SYT17: variants seen among roughly 807,000 people sequenced by gnomAD.
The protein encoded by SYT17 is synaptotagmin-17.
A neutral mutation model predicts 46.7 loss-of-function variants in SYT17; 22 were observed. The observed-to-expected ratio is 0.47, with a 90% confidence interval of 0.34 to 0.67. The LOEUF is 0.67. Ranked by LOEUF, SYT17 falls within the 30% of genes least tolerant of loss-of-function variation. The pLI is 0.01. For missense variants in SYT17, 519 were observed against 612.8 expected (o/e 0.85, Z 1.62); for synonymous variants, 251 against 248.4 (o/e 1.01, Z -0.10).
chr16:19,168,483 CG>C lies in SYT17; in HGVS notation c.-162del, dbSNP rs1261603509. ...GGAAAGGCAAGGACGGGGCGGCCGG[CG>C]GAGGGGCGGGCGCCGCTCATCAGCC... On this transcript the variant is annotated 5_prime_UTR_variant, in exon 1 of 8. Coordinates refer to ENST00000355377, the MANE Select transcript of SYT17 (RefSeq NM_016524.4). This position sits in a 1 kb window ranked among gnomAD's most constrained non-coding sequence, Gnocchi z 6.9. 3 of 919,224 alleles carry C rather than the reference CG, an allele frequency of 3.3e-6. No individual in the cohort carries two copies. Among genetic ancestry groups the C allele is most frequent in the Non-Finnish European group, 4.9e-6 (3 of 612,944 alleles). 56.9% of individuals were successfully genotyped at this position (919,224 alleles called of 1,614,324 possible). A position where few individuals can be genotyped will look rare whatever the true frequency, so the allele number is the denominator to read the frequency against.
chr16:19,209,173 C>T (rs1330987261), intron 5 of SYT17, among the ~76,000 whole-genome samples: 2 of 151,986 alleles, frequency 1.3e-5, no homozygotes, highest in Non-Finnish European at 2.9e-5. Context: ...CCTGCCAGGA[C>T]ATTATTTCTA....
intron 7 of SYT17, among the ~76,000 whole-genome samples, chr16:19,234,441 T>C (rs1966813707): frequency 6.6e-6 from 1 of 152,228 alleles, no homozygotes; most frequent in Non-Finnish European, 1.5e-5. Context: ...GCTTCCAATC[T>C]CAATTTTTAT....
rs78963118 is a variant in SYT17 at position 19,256,224 on chromosome 16, A to G, written c.1229-10656A>G. Among the ~76,000 whole-genome samples, 520 of 152,116 alleles carry G rather than the reference A, an allele frequency of 3.4e-3. 3 individuals carry two copies. The highest frequency in any genetic ancestry group is 0.012 in the African/African-American group (496 of 41,476). On this transcript the variant is annotated intron_variant, in intron 7 of 7. Coordinates refer to ENST00000355377, the MANE Select transcript of SYT17 (RefSeq NM_016524.4). ...ATTTTTCATAGCAACAGTCTTTAAT[A>G]TAGGACATCTTCCCTCCTTATCTGC...
chr16:19,223,188 T>A, intron 6 of SYT17, 23 bp downstream of exon 6: 2 of 1,610,046 alleles, frequency 1.2e-6, no homozygotes, highest in Non-Finnish European at 1.7e-6. Flanking sequence ...TCCCCTCTTC[T>A]CTCACTTTAT....
intron 7 of SYT17, among the ~76,000 whole-genome samples, chr16:19,251,781 A>G (rs531794290): frequency 1.3e-5 from 2 of 152,128 alleles, no homozygotes; most frequent in African/African-American, 4.8e-5. Context: ...GCCTCCATCT[A>G]TTTCTCTGGA....
chr16:19,215,516 A>G lies in SYT17; in HGVS notation c.952-7529A>G, dbSNP rs73532760. Among the ~76,000 whole-genome samples, 564 of 152,254 alleles carry G rather than the reference A, an allele frequency of 3.7e-3. 6 individuals carry two copies. Among genetic ancestry groups the G allele is most frequent in the African/African-American group, 0.013 (520 of 41,536 alleles). ...AGCCTCAAACCTCTGGGCTCATGCA[A>G]TCCTCCCACATTTGCCTCTTACATA... On this transcript the variant is annotated intron_variant, in intron 5 of 7. Coordinates refer to ENST00000355377, the MANE Select transcript of SYT17 (RefSeq NM_016524.4).
chr16:19,211,887 A>T (rs1233779140), intron 5 of SYT17, among the ~76,000 whole-genome samples: 2 of 152,050 alleles, frequency 1.3e-5, no homozygotes, highest in East Asian at 3.9e-4. Context: ...CAGCCTCCCA[A>T]AATGCTGGGA....
intron 5 of SYT17, among the ~76,000 whole-genome samples, chr16:19,186,480 T>TTTTAGAGGC (rs1964795965): frequency 6.6e-6 from 1 of 152,142 alleles, no homozygotes; most frequent in Non-Finnish European, 1.5e-5. Flanking sequence ...TGAGGCCTTG[T>TTTTAGAGGC]CTCTAAAAAA....
At chr16:19,173,681 G>T (rs1484027501) in intron 3 of SYT17, 103 bp downstream of exon 3, 1 of 1,302,560 alleles carries the variant, frequency 7.7e-7, no homozygotes, top group African/African-American at 1.5e-5. Flanking sequence ...GAGGATTTGG[G>T]GGCATGAAAG....
rs1232187594 is a variant in SYT17, at chr16:19,252,549, A to T, written c.1229-14331A>T. Among the ~76,000 whole-genome samples, 2 of 115,876 alleles carry T rather than the reference A, an allele frequency of 1.7e-5. 1 individual carries two copies. Among genetic ancestry groups the T allele is most frequent in the Non-Finnish European group, 3.3e-5 (2 of 60,810 alleles). The allele number at this position is 115,876 out of a possible 152,430, so 76.0% of individuals were successfully genotyped here. On this transcript the variant is annotated intron_variant, in intron 7 of 7. Transcript: ENST00000355377. ...TATATACATATATATATTTTTTTTT[A>T]AATAACTTGAGGTCATGGAAAGCTG...
At chr16:19,264,163 A>C (rs1343268984) in intron 7 of SYT17, among the ~76,000 whole-genome samples, 1 of 152,154 alleles carries the variant, frequency 6.6e-6, no homozygotes, top group Non-Finnish European at 1.5e-5. Context: ...TTGATCTTGA[A>C]CTTCCCAGCC....
intron 5 of SYT17, among the ~76,000 whole-genome samples, chr16:19,189,491 C>T (rs965520177): frequency 6.6e-6 from 1 of 152,154 alleles, no homozygotes; most frequent in Non-Finnish European, 1.5e-5. Flanking sequence ...TGTGGTACCA[C>T]AAGTGTACAC....
At chr16:19,228,822 G>A (rs996464553) in intron 7 of SYT17, among the ~76,000 whole-genome samples, 41 of 152,132 alleles carry the variant, frequency 2.7e-4, no homozygotes, top group Middle Eastern at 3.2e-3. Context: ...CCTCTAGGCC[G>A]AGGAACCAAA....
intron 3 of SYT17, among the ~76,000 whole-genome samples, chr16:19,178,025 ATTAG>A (rs1310396769): frequency 6.6e-6 from 1 of 151,568 alleles, no homozygotes; most frequent in Non-Finnish European, 1.5e-5. Flanking sequence ...CCCAACCTGT[ATTAG>A]TTTGTTTTCT....
chr16:19,229,607 A>G (rs962464318), intron 7 of SYT17, among the ~76,000 whole-genome samples: 2 of 152,232 alleles, frequency 1.3e-5, no homozygotes, highest in Middle Eastern at 3.2e-3. Flanking sequence ...ACACAGAGGC[A>G]AACCATATCA....
chr16:19,215,252 C>T (rs74011542), intron 5 of SYT17, among the ~76,000 whole-genome samples: 3,555 of 152,240 alleles, frequency 0.023, 85 homozygotes, highest in African/African-American at 0.055. Context: ...ATCATCCACT[C>T]CTAAGTGGCC....
At chr16:19,248,987 T>C (rs1223890283) in intron 7 of SYT17, among the ~76,000 whole-genome samples, 1 of 151,758 alleles carries the variant, frequency 6.6e-6, no homozygotes, top group Admixed American at 6.6e-5. Context: ...AAAACTATGG[T>C]AAAAGAGGCC....
At chr16:19,203,021 C>T (rs1364140486) in intron 5 of SYT17, among the ~76,000 whole-genome samples, 7 of 152,074 alleles carry the variant, frequency 4.6e-5, no homozygotes, top group Admixed American at 2.0e-4. Flanking sequence ...GCAACGGGGA[C>T]GAGGATCCAA....
At chr16:19,221,841 A>T (rs1396806595) in intron 5 of SYT17, among the ~76,000 whole-genome samples, 1 of 152,240 alleles carries the variant, frequency 6.6e-6, no homozygotes, top group Non-Finnish European at 1.5e-5. Flanking sequence ...AGATAGATAG[A>T]TAGAGATGTT....
Sources: allele counts gnomAD v4.1 joint callset (sites outside exome capture counted in the v4.1 genomes callset), GRCh38; gene constraint gnomAD v4.1.1; non-coding constraint Gnocchi (gnomAD v3.1); transcripts MANE v1.5; gene names NCBI Gene and HGNC (gene_info 2026-07-23, HGNC 2026-07-21).